The following ZNF804B variants were observed in gnomAD, a reference collection of about 807,000 sequenced individuals.
ZNF804B encodes the protein zinc finger protein 804B.
Under a neutral mutation model 101.4 loss-of-function variants are expected in ZNF804B, and 80 were observed. The observed-to-expected ratio is 0.79, with a 90% confidence interval of 0.66 to 0.95. ZNF804B has a LOEUF of 0.95. Ranked by LOEUF, ZNF804B falls within the 40% of genes least tolerant of loss-of-function variation. The probability of loss-of-function intolerance (pLI) is 0.00; values close to 1 mark genes in which losing one functional copy is unlikely to be tolerated. For synonymous variants in ZNF804B, 622 were observed against 558.8 expected (o/e 1.11, Z -1.59); for missense variants, 1,673 against 1,561.9 (o/e 1.07, Z -1.20).
intron 1 of ZNF804B, among the ~76,000 whole-genome samples, chr7:89,039,954 G>A (rs1788990632): frequency 1.3e-5 from 2 of 151,978 alleles, no homozygotes; most frequent in South Asian, 4.1e-4. Context: ...ATGTCTTGAT[G>A]ATGATCTGTT....
chr7:88,859,622 C>A (rs1485471819), intron 1 of ZNF804B, among the ~76,000 whole-genome samples: 1 of 151,872 alleles, frequency 6.6e-6, no homozygotes, highest in Non-Finnish European at 1.5e-5. Context: ...CAACTTAAAT[C>A]TAACAATTAA....
chr7:89,017,175 T>C (rs1264565274), intron 1 of ZNF804B, among the ~76,000 whole-genome samples: 1 of 152,218 alleles, frequency 6.6e-6, no homozygotes, highest in Admixed American at 6.5e-5. Flanking sequence ...GTGATTTTTG[T>C]ACATTGATAT....
intron 1 of ZNF804B, among the ~76,000 whole-genome samples, chr7:88,834,392 AT>A (rs1255741356): frequency 1.3e-5 from 2 of 151,838 alleles, no homozygotes; most frequent in African/African-American, 4.8e-5. Context: ...GTGCTTTAGA[AT>A]TCCAATATAG....
intron 1 of ZNF804B, among the ~76,000 whole-genome samples, chr7:89,053,166 A>T (rs367846161): frequency 7.2e-5 from 11 of 152,134 alleles, no homozygotes; most frequent in African/African-American, 2.7e-4. Flanking sequence ...TGTGATTTCT[A>T]TAGTAAAGCT....
intron 2 of ZNF804B, among the ~76,000 whole-genome samples, chr7:89,265,866 G>T (rs1789784332): frequency 6.6e-6 from 1 of 152,170 alleles, no homozygotes; most frequent in Non-Finnish European, 1.5e-5. Flanking sequence ...TGCAGTGGGT[G>T]CAGCCACATT....
At chr7:89,285,777 T>C (rs1345152498) in intron 2 of ZNF804B, among the ~76,000 whole-genome samples, 1 of 152,124 alleles carries the variant, frequency 6.6e-6, no homozygotes, top group Non-Finnish European at 1.5e-5. Context: ...AGGACTTCCC[T>C]TATCCACAAT....
intron 2 of ZNF804B, among the ~76,000 whole-genome samples, chr7:89,267,200 CT>C (rs1789810409): frequency 6.6e-6 from 1 of 152,070 alleles, no homozygotes. Flanking sequence ...TGAAATGCTT[CT>C]TTCTTCTTTC....
chr7:89,275,964 A>G (rs1206821708), intron 2 of ZNF804B, among the ~76,000 whole-genome samples: 1 of 151,846 alleles, frequency 6.6e-6, no homozygotes, highest in African/African-American at 2.4e-5. Flanking sequence ...GTGGTACATA[A>G]ACACCATGGA....
At chr7:89,201,705 T>A (rs1788642501) in intron 1 of ZNF804B, among the ~76,000 whole-genome samples, 2 of 152,082 alleles carry the variant, frequency 1.3e-5, no homozygotes, top group Non-Finnish European at 2.9e-5. Flanking sequence ...TTCCTCTTTA[T>A]TAATACATGG....
Position 88,765,250 on chromosome 7 carries a change from C to G in ZNF804B, c.108+5166C>G, listed in dbSNP as rs72615103. On this transcript the variant is annotated intron_variant, in intron 1 of 3. Coordinates refer to ENST00000333190, the MANE Select transcript of ZNF804B (RefSeq NM_181646.5). ...TTTAGATATATGACTAAAATGAACT[C>G]TCTGTTTTAGGTTTCTGCTCCATAA... is the stretch of plus-strand genomic sequence containing the variant. Among the ~76,000 whole-genome samples, 185 of 152,140 alleles carry G rather than the reference C, an allele frequency of 1.2e-3. 6 individuals carry two copies. The East Asian group carries it at 0.031, about 25-fold the overall frequency.
chr7:89,053,643 T>C (rs1216352210), intron 1 of ZNF804B, among the ~76,000 whole-genome samples: 1 of 152,048 alleles, frequency 6.6e-6, no homozygotes, highest in Non-Finnish European at 1.5e-5. Context: ...ATGATCACTT[T>C]TGATTTCCTT....
intron 1 of ZNF804B, among the ~76,000 whole-genome samples, chr7:88,820,898 A>G (rs767724841): frequency 6.6e-6 from 1 of 152,094 alleles, no homozygotes; most frequent in Non-Finnish European, 1.5e-5. Flanking sequence ...GGGAGAAAAG[A>G]CTGTGAATAT....
At chr7:89,149,284 T>G (rs1309859177) in intron 1 of ZNF804B, among the ~76,000 whole-genome samples, 1 of 152,106 alleles carries the variant, frequency 6.6e-6, no homozygotes, top group African/African-American at 2.4e-5. Flanking sequence ...ACTCATGAAC[T>G]TACTTGTCTT....
intron 1 of ZNF804B, among the ~76,000 whole-genome samples, chr7:88,766,992 A>G (rs1026479500): frequency 2.0e-5 from 3 of 152,168 alleles, no homozygotes; most frequent in Non-Finnish European, 4.4e-5. Flanking sequence ...CTTATTTTGA[A>G]ATGGATATTG....
chr7:88,933,729 A>G (rs1792925089), intron 1 of ZNF804B, among the ~76,000 whole-genome samples: 1 of 151,990 alleles, frequency 6.6e-6, no homozygotes, highest in African/African-American at 2.4e-5. Flanking sequence ...CTTTACGATG[A>G]AAACTACAAA....
intron 2 of ZNF804B, among the ~76,000 whole-genome samples, chr7:89,223,759 T>A (rs1029962134): frequency 2.0e-5 from 3 of 151,918 alleles, no homozygotes; most frequent in African/African-American, 7.2e-5. Flanking sequence ...CCTGATTTTT[T>A]AAATTTCTTC....
At chr7:88,780,754 T>C (rs945184525) in intron 1 of ZNF804B, among the ~76,000 whole-genome samples, 2 of 152,138 alleles carry the variant, frequency 1.3e-5, no homozygotes, top group Non-Finnish European at 2.9e-5. Flanking sequence ...CCCAAAGACA[T>C]CAAAAGTGTG....
At chr7:89,088,121 A>C (rs1789833638) in intron 1 of ZNF804B, among the ~76,000 whole-genome samples, 2 of 152,154 alleles carry the variant, frequency 1.3e-5, no homozygotes, top group South Asian at 4.1e-4. Flanking sequence ...AACCCAACCC[A>C]GTCTGGCTGA....
At chr7:88,900,320 A>G (rs970958777) in intron 1 of ZNF804B, among the ~76,000 whole-genome samples, 2 of 151,902 alleles carry the variant, frequency 1.3e-5, no homozygotes, top group African/African-American at 2.4e-5. Context: ...CAGACCCCTT[A>G]AAAACATATT....
Sources: allele counts gnomAD v4.1 joint callset (sites outside exome capture counted in the v4.1 genomes callset), GRCh38; gene constraint gnomAD v4.1.1; transcripts MANE v1.5; gene names NCBI Gene and HGNC (gene_info 2026-07-23, HGNC 2026-07-21).